FAM184A: variants seen among roughly 807,000 people sequenced by gnomAD.
FAM184A encodes protein FAM184A.
A neutral mutation model predicts 143.8 loss-of-function variants in FAM184A; 99 were observed. The ratio of observed to expected loss-of-function variants is 0.69; its 90% CI spans 0.58 to 0.81. The LOEUF (loss-of-function observed/expected upper bound fraction) is 0.81, where lower values mean the gene tolerates loss of function less well. Ranked by LOEUF, FAM184A falls within the 40% of genes least tolerant of loss-of-function variation. The probability of loss-of-function intolerance (pLI) is 0.00; values close to 1 mark genes in which losing one functional copy is unlikely to be tolerated. For missense variants in FAM184A, 1,217 were observed against 1,310.5 expected (o/e 0.93, Z 1.10); for synonymous variants, 427 against 446.4 (o/e 0.96, Z 0.55).
At position 118,975,196 on chromosome 6, in the gene FAM184A, T is replaced by C. The variant is rs543236056; in HGVS notation, c.2596A>G (p.Ile866Val). 1.9e-6 allele frequency: 3 copies of C among 1,589,844 alleles called. No individual in the cohort carries two copies. The highest frequency in any genetic ancestry group is 2.7e-5 in the African/African-American group (2 of 73,380). Residue 866 changes from isoleucine (I) to valine (V), a missense_variant, in exon 13 of 18, where the codon ATA becomes GTA. Transcript: ENST00000338891. ...TCTTGTAGATCTGTAATTCTACATA[T>C]GTGCTCCTTACTCTGTTAAAAAAAA... ...DISRRQSKEH[I>V]CRITDLQEEL...
chr6:119,077,454 C>T (rs912692445), intron 1 of FAM184A, among the ~76,000 whole-genome samples: 1 of 152,192 alleles, frequency 6.6e-6, no homozygotes, highest in Non-Finnish European at 1.5e-5. Context: ...TCATTATCAA[C>T]ATTAAATTAG....
In FAM184A at chr6:118,961,828, T is replaced by C. The variant is rs1401542183; in HGVS notation, c.3274A>G (p.Ile1092Val). ...AGTGGTTTGCTGCTGTTGAACTCAA[T>C]ATCGTGGACTGGAGAATTAGGAATG... ...DPIPNSPVHDIEFNSSKPLPQ... is the reference protein window; with the variant it reads ...DPIPNSPVHDVEFNSSKPLPQ... Residue 1092 changes from isoleucine to valine, a missense_variant, in exon 17 of 18, where the codon ATT (isoleucine) becomes GTT (valine). By Grantham distance (29) the Ile-to-Val change is conservative. Coordinates refer to ENST00000338891, the MANE Select transcript of FAM184A (RefSeq NM_024581.6). The C allele has an allele frequency of 1.2e-6, 2 of 1,613,800 alleles. No homozygotes were observed. Among genetic ancestry groups the C allele is most frequent in the East Asian group, 2.2e-5 (1 of 44,886 alleles).
At position 118,974,495 on chromosome 6, in the gene FAM184A, T is replaced by C. The variant is rs762315481; in HGVS notation, c.2848A>G (p.Ile950Val). ...GTCTTATTAAAATCTGCCCGCATGA[T>C]ATTTTTCTCTCTGAGGTGGTCTGCT... ...MTADHLREKN[I>V]MRADFNKTNE... Residue 950 changes from isoleucine (I) to valine (V), a missense_variant, in exon 14 of 18, where the codon ATC becomes GTC. Coordinates refer to ENST00000338891, the MANE Select transcript of FAM184A (RefSeq NM_024581.6). The C allele has an allele frequency of 9.9e-6, 16 of 1,612,960 alleles. No homozygotes were observed. The highest frequency in any genetic ancestry group is 2.2e-5 in the East Asian group (1 of 44,802).
chr6:119,006,711 G>T, intron 6 of FAM184A, 103 bp from the exon 7 acceptor site: 1 of 891,358 alleles, frequency 1.1e-6, no homozygotes, highest in Non-Finnish European at 1.6e-6. Context: ...TAATTTTACT[G>T]AATGGATGAT....
chr6:118,981,063 G>A (rs997095439), intron 9 of FAM184A, among the ~76,000 whole-genome samples: 1 of 152,014 alleles, frequency 6.6e-6, no homozygotes, highest in African/African-American at 2.4e-5. Context: ...AATAATGTCA[G>A]GTGCTTTTCT....
At chr6:118,996,678 T>C (rs2797352) in intron 9 of FAM184A, among the ~76,000 whole-genome samples, 86,987 of 151,782 alleles carry the variant, frequency 0.57, 25,283 homozygotes, top group East Asian at 0.76. Context: ...TGTCACTGCT[T>C]AGGGAACCTG....
intron 1 of FAM184A, among the ~76,000 whole-genome samples, chr6:119,106,446 T>C (rs976997665): frequency 6.6e-6 from 1 of 152,228 alleles, no homozygotes; most frequent in Non-Finnish European, 1.5e-5. Context: ...AGAGAATGTA[T>C]TAAATGATCA....
Position 119,078,452 on chromosome 6 carries a change from G to A in FAM184A, c.-153C>T. 1.4e-6 allele frequency: 1 copy of A among 735,760 alleles called. No homozygotes were observed. The highest frequency in any genetic ancestry group is 2.0e-6 in the Non-Finnish European group (1 of 501,576). The allele number at this position is 735,760 out of a possible 1,614,324, so 45.6% of individuals were successfully genotyped here. ...CGGCCGCAGGCGCCGTCCCACCCGC[G>A]ACCCCCGGGTCACCCCTGGAAGGGA... On this transcript the variant is annotated 5_prime_UTR_variant, in exon 1 of 18. Coordinates refer to ENST00000338891, the MANE Select transcript of FAM184A (RefSeq NM_024581.6). This position sits in a 1 kb window ranked among gnomAD's most constrained non-coding sequence, Gnocchi z 5.5.
intron 1 of FAM184A, among the ~76,000 whole-genome samples, chr6:119,127,868 T>C (rs1430170372): frequency 6.6e-6 from 1 of 152,126 alleles, no homozygotes; most frequent in Non-Finnish European, 1.5e-5. Context: ...CAAACATTCA[T>C]TGACCGTCTA....
intron 6 of FAM184A, among the ~76,000 whole-genome samples, chr6:119,008,283 G>A (rs1271789855): frequency 3.3e-5 from 5 of 152,264 alleles, no homozygotes; most frequent in Admixed American, 1.3e-4. Context: ...TCATTGAAAC[G>A]TAAACCAATA....
chr6:118,990,659 A>C (rs1784348969), intron 9 of FAM184A, among the ~76,000 whole-genome samples: 1 of 151,958 alleles, frequency 6.6e-6, no homozygotes, highest in South Asian at 2.1e-4. Context: ...TGAGGTCAGG[A>C]TTTCGAGACC....
chr6:119,021,754 C>T (rs1785454040), intron 3 of FAM184A, among the ~76,000 whole-genome samples: 1 of 151,976 alleles, frequency 6.6e-6, no homozygotes, highest in South Asian at 2.1e-4. Context: ...GGTGGGAGAA[C>T]TGCTAGAGCC....
intron 1 of FAM184A, among the ~76,000 whole-genome samples, chr6:119,148,783 A>G (rs733259): frequency 0.35 from 53,630 of 151,710 alleles, 9,805 homozygotes; most frequent in East Asian, 0.53. Context: ...GCTCCAGGGA[A>G]TCAGGATCTG....
chr6:118,975,480 A>C (rs892678056), intron 12 of FAM184A, among the ~76,000 whole-genome samples: 3 of 152,244 alleles, frequency 2.0e-5, no homozygotes, highest in African/African-American at 7.2e-5. Context: ...GGAAACCAAT[A>C]CCCAAAGATG....
chr6:119,142,984 G>A (rs1425095874), intron 1 of FAM184A, among the ~76,000 whole-genome samples: 1 of 152,164 alleles, frequency 6.6e-6, no homozygotes, highest in Non-Finnish European at 1.5e-5. Context: ...TAAGCTGAGG[G>A]CACCAGGGGT....
At chr6:118,988,278 A>C (rs1784255743) in intron 9 of FAM184A, among the ~76,000 whole-genome samples, 1 of 152,234 alleles carries the variant, frequency 6.6e-6, no homozygotes, top group Admixed American at 6.5e-5. Flanking sequence ...ACTAAACAAA[A>C]AGAAATTAAA....
chr6:119,115,824 C>G (rs539092114), intron 1 of FAM184A, among the ~76,000 whole-genome samples: 3 of 150,404 alleles, frequency 2.0e-5, no homozygotes, highest in Non-Finnish European at 4.4e-5. Context: ...AAAAAAATAG[C>G]CTGGTATGGT....
chr6:119,148,262 G>A (rs895877787), intron 1 of FAM184A, among the ~76,000 whole-genome samples: 1 of 152,146 alleles, frequency 6.6e-6, no homozygotes, highest in Non-Finnish European at 1.5e-5. Flanking sequence ...CCTGAGTGAG[G>A]TGCATGGAAT....
At chr6:119,110,118 G>T (rs188799020) in intron 1 of FAM184A, among the ~76,000 whole-genome samples, 208 of 152,236 alleles carry the variant, frequency 1.4e-3, no homozygotes, top group Non-Finnish European at 1.8e-3. Flanking sequence ...GAGAAGTCCT[G>T]CTTGAAAGTA....
Sources: gnomAD v4.1 joint callset for allele counts (sites outside exome capture counted in the v4.1 genomes callset) on GRCh38, gnomAD v4.1.1 for gene constraint, Gnocchi (gnomAD v3.1) non-coding constraint, MANE v1.5 for transcripts, NCBI Gene and HGNC (gene_info 2026-07-23, HGNC 2026-07-21) for gene names.